SERPINF2: variants seen among roughly 807,000 people sequenced by gnomAD.
SERPINF2 encodes serpin family F member 2, also known as alpha-2-antiplasmin.
A neutral mutation model predicts 45.0 loss-of-function variants in SERPINF2; 15 were observed. That is an observed-to-expected ratio of 0.33 (90% CI 0.22 to 0.51). The LOEUF (loss-of-function observed/expected upper bound fraction) is 0.51, where lower values mean the gene tolerates loss of function less well. Among genes scored for constraint, SERPINF2 ranks in the 20% least tolerant of loss-of-function variants. SERPINF2 has a pLI of 0.97. For synonymous variants in SERPINF2, 283 were observed against 277.9 expected (o/e 1.02, Z -0.18); for missense variants, 518 against 637.4 (o/e 0.81, Z 2.02).
At position 1,745,875 on chromosome 17, in the gene SERPINF2, G is replaced by C. The variant is rs1444107684; in HGVS notation, c.333G>C (p.Leu111=). 6.2e-7 allele frequency: 1 copy of C among 1,613,960 alleles called. No homozygotes were observed. Among genetic ancestry groups the C allele is most frequent in the East Asian group, 2.2e-5 (1 of 44,890 alleles). Reference sequence around the variant, plus strand: ...GCCCCAACCTCATCCTGTCACCCCTGAGTGTGGCCCTGGCGCTGTCTCACC... The same window carrying C: ...GCCCCAACCTCATCCTGTCACCCCTCAGTGTGGCCCTGGCGCTGTCTCACC... ...STCPNLILSP[L]SVALALSHLA... The change falls in exon 5 of 10, where the codon CTG becomes CTC. Residue 111 remains leucine, a synonymous_variant. Coordinates refer to ENST00000453066, the MANE Select transcript of SERPINF2 (RefSeq NM_000934.4). The surrounding 1 kb of genome is among the most constrained non-coding windows in gnomAD (Gnocchi z 6.2).
At chr17:1,753,312 C>T (rs1170404776) in intron 9 of SERPINF2, among the ~76,000 whole-genome samples, 1 of 152,192 alleles carries the variant, frequency 6.6e-6, no homozygotes, top group Admixed American at 6.5e-5. Context: ...CCTCTTGACC[C>T]CAGGTGGCTG....
rs911349544 is a variant in SERPINF2, at chr17:1,752,674, A to T, written c.947A>T (p.Asn316Ile). Reference sequence around the variant, plus strand: ...TGGAACGTGTCCCAGGTACTGGCCAACCTGAGTTGGGACACCCTGCACCCA... The same window carrying T: ...TGGAACGTGTCCCAGGTACTGGCCATCCTGAGTTGGGACACCCTGCACCCA... ...FEWNVSQVLA[N>I]LSWDTLHPPL... Residue 316 changes from asparagine (N) to isoleucine (I), a missense_variant, in exon 9 of 10, where the codon AAC (asparagine) becomes ATC (isoleucine). By Grantham distance (149) the Asn-to-Ile change is moderately radical. Around this residue, in one of 2 missense-constraint regions of SERPINF2, gnomAD observed 435 missense variants for 577.3 expected, o/e 0.75. Coordinates refer to ENST00000453066, the MANE Select transcript of SERPINF2 (RefSeq NM_000934.4). The T allele has an allele frequency of 1.2e-6, 2 of 1,614,056 alleles. No homozygotes were observed. The highest frequency in any genetic ancestry group is 1.7e-5 in the Admixed American group (1 of 60,002).
chr17:1,748,674 C>T lies in SERPINF2; in HGVS notation c.792C>T (p.Pro264=), dbSNP rs565749154. The change falls in exon 8 of 10, where the codon CCC becomes CCT. Residue 264 remains proline, a synonymous_variant. Coordinates refer to ENST00000453066, the MANE Select transcript of SERPINF2 (RefSeq NM_000934.4). ...SFHLDEQFTV[P]VEMMQARTYP... is the part of the protein sequence containing the mutation. The stretch of plus-strand genomic sequence containing the variant: ...ACCTGGACGAGCAGTTCACGGTGCC[C>T]GTGGAAATGATGCAGGCCCGCACGT... The T allele has an allele frequency of 9.6e-5, 155 of 1,609,784 alleles. No individual in the cohort carries two copies. The South Asian group carries it at 1.4e-3, about 15-fold the overall frequency.
rs1322537606 is a variant in SERPINF2, at chr17:1,744,337, T to C, written c.-4-655T>C. Reference sequence around the variant, plus strand: ...GAGAAACCCCGTTTCTACTAAGAAATACAGAATTAGCCAGGCGTGGTGGTG... The same window carrying C: ...GAGAAACCCCGTTTCTACTAAGAAACACAGAATTAGCCAGGCGTGGTGGTG... On this transcript the variant is annotated intron_variant, in intron 1 of 9. Coordinates refer to ENST00000453066, the MANE Select transcript of SERPINF2 (RefSeq NM_000934.4). Among the ~76,000 whole-genome samples the C allele has an allele frequency of 2.0e-5, 3 of 151,852 alleles. 1 individual carries two copies. In the East Asian group the frequency reaches 5.9e-4, roughly 30 times the overall value.
chr17:1,753,523 T>C (rs1031010400), intron 9 of SERPINF2, among the ~76,000 whole-genome samples: 1 of 152,054 alleles, frequency 6.6e-6, no homozygotes. Flanking sequence ...CCGTCTCCAC[T>C]AAAAATACAA....
chr17:1,750,114 C>T (rs1459169649), intron 8 of SERPINF2, among the ~76,000 whole-genome samples: 1 of 151,972 alleles, frequency 6.6e-6, no homozygotes, highest in African/African-American at 2.4e-5. Flanking sequence ...GCTGGAACTA[C>T]AGGCATGCAC....
intron 5 of SERPINF2, among the ~76,000 whole-genome samples, chr17:1,746,481 C>T (rs2151189462): frequency 6.8e-6 from 1 of 147,438 alleles, no homozygotes; most frequent in South Asian, 2.1e-4. Flanking sequence ...GGCTAGAGTG[C>T]AGTGGTGTGA....
intron 8 of SERPINF2, 125 bp from the exon 9 acceptor site, chr17:1,752,461 G>T: frequency 1.2e-6 from 1 of 818,858 alleles, no homozygotes; most frequent in East Asian, 2.5e-5. Context: ...GAGCAGTGGG[G>T]TCAGTCACAC....
rs1178005058 is a variant in SERPINF2 at position 1,754,429 on chromosome 17, C to T, written c.1371C>T (p.Leu457=). 6.2e-7 allele frequency: 1 copy of T among 1,612,320 alleles called. No individual in the cohort carries two copies. The highest frequency in any genetic ancestry group is 1.3e-5 in the African/African-American group (1 of 74,924). Reference sequence around the variant, plus strand: ...ATTCCCCGGGCAACAAGGACTTCCTCCAGAGCCTGAAAGGCTTCCCCCGCG... The same window carrying T: ...ATTCCCCGGGCAACAAGGACTTCCTTCAGAGCCTGAAAGGCTTCCCCCGCG... ...QQDSPGNKDF[L]QSLKGFPRGD... is the part of the protein sequence containing the mutation. The change falls in exon 10 of 10, where the codon CTC becomes CTT. Residue 457 remains leucine, a synonymous_variant. Transcript: ENST00000453066.
intron 1 of SERPINF2, among the ~76,000 whole-genome samples, chr17:1,743,760 C>A (rs1421785193): frequency 2.0e-5 from 3 of 149,410 alleles, no homozygotes; most frequent in African/African-American, 7.4e-5. Flanking sequence ...ATGGATGCAG[C>A]AGGCTGGGTA....
intron 9 of SERPINF2, 133 bp from the exon 10 acceptor site, chr17:1,753,989 C>G: frequency 2.9e-6 from 3 of 1,029,194 alleles, no homozygotes; most frequent in Non-Finnish European, 4.3e-6. Context: ...GTCTTGGAAA[C>G]CGGATAGGAA....
In SERPINF2 at chr17:1,754,904, T is replaced by G. The variant is rs1906725902; in HGVS notation, c.*370T>G. On this transcript the variant is annotated 3_prime_UTR_variant, in exon 10 of 10. Transcript: ENST00000453066. The stretch of plus-strand genomic sequence containing the variant: ...AAAAAGGGAGGGGGAGAGGGCTGCC[T>G]TTGGACTTGTCCCGGGACACCTAGG... The G allele has an allele frequency of 3.1e-6, 1 of 325,310 alleles. No individual in the cohort carries two copies. The highest frequency in any genetic ancestry group is 6.3e-5 in the East Asian group (1 of 15,986). The allele number at this position is 325,310 out of a possible 1,614,324, so 20.2% of individuals were successfully genotyped here.
intron 1 of SERPINF2, chr17:1,744,746 GTGCATGAAA>G (rs1905637287): frequency 3.0e-6 from 3 of 985,414 alleles, no homozygotes; most frequent in Non-Finnish European, 3.6e-6. Context: ...AACACCCTCA[GTGCATGAAA>G]TGCATGAAAT....
rs1906739060 is a variant in SERPINF2 at position 1,755,085 on chromosome 17, A to C, written c.*551A>C. The C allele has an allele frequency of 6.4e-6, 1 of 155,194 alleles. No individual in the cohort carries two copies. The highest frequency in any genetic ancestry group is 6.5e-5 in the Admixed American group (1 of 15,478). 9.6% of individuals were successfully genotyped at this position (155,194 alleles called of 1,614,324 possible). A position where few individuals can be genotyped will look rare whatever the true frequency, so the allele number is the denominator to read the frequency against. On this transcript the variant is annotated 3_prime_UTR_variant, in exon 10 of 10. Transcript: ENST00000453066. This position sits in a 1 kb window ranked among gnomAD's most constrained non-coding sequence, Gnocchi z 4.2. ...TACCCCCTGTGCCTTGTCACGCCAG[A>C]CTTCCCACGGCTCCTCGAGATCCCA... is the stretch of plus-strand genomic sequence containing the variant.
chr17:1,746,060 C>T, intron 5 of SERPINF2, 151 bp downstream of exon 5: 1 of 879,908 alleles, frequency 1.1e-6, no homozygotes, highest in Admixed American at 1.9e-5. Flanking sequence ...TGGCTCACGC[C>T]TGTAATCCCA....
chr17:1,747,180 G>A lies in SERPINF2; in HGVS notation c.511+18G>A, dbSNP rs1268512653. 1.9e-6 allele frequency: 3 copies of A among 1,611,850 alleles called. No homozygotes were observed. The highest frequency in any genetic ancestry group is 2.5e-6 in the Non-Finnish European group (3 of 1,179,888). On this transcript the variant is annotated intron_variant, in intron 6 of 9. Transcript: ENST00000453066. ...GCAGAAAGGTAGGCGCTGATGGCAGGGAGCTCCCTCAGTCCTGCCCTGGGT... is the reference window on the plus strand; with the variant it reads ...GCAGAAAGGTAGGCGCTGATGGCAGAGAGCTCCCTCAGTCCTGCCCTGGGT...
Position 1,745,977 on chromosome 17 carries a change from T to G in SERPINF2, c.367+68T>G. On this transcript the variant is annotated intron_variant, in intron 5 of 9. Coordinates refer to ENST00000453066, the MANE Select transcript of SERPINF2 (RefSeq NM_000934.4). The surrounding 1 kb of genome is among the most constrained non-coding windows in gnomAD (Gnocchi z 6.2). ...CAGTAGGAACTCAGTACTCCAATGG[T>G]TCTCCGCGGGCGGTTCCTCCACCAG... 6.5e-7 allele frequency: 1 copy of G among 1,535,694 alleles called. No individual in the cohort carries two copies. Among genetic ancestry groups the G allele is most frequent in the Non-Finnish European group, 9.0e-7 (1 of 1,109,386 alleles).
At position 1,754,141 on chromosome 17, in the gene SERPINF2, G is replaced by C. The variant is rs1198784083; in HGVS notation, c.1083G>C (p.Gln361His). The C allele has an allele frequency of 6.2e-7, 1 of 1,607,482 alleles. No homozygotes were observed. The highest frequency in any genetic ancestry group is 8.5e-7 in the Non-Finnish European group (1 of 1,179,996). Residue 361 changes from glutamine to histidine, a missense_variant, in exon 10 of 10, where the codon CAG (glutamine) becomes CAC (histidine). Gln to His is a conservative substitution (Grantham distance 24, BLOSUM62 0). Coordinates refer to ENST00000453066, the MANE Select transcript of SERPINF2 (RefSeq NM_000934.4). The part of the protein sequence containing the change: ...LSQLGLQELF[Q>H]APDLRGISEQ... ...GGGCAGGCCTGCAGGAGTTGTTCCAGGCCCCAGACCTGCGTGGGATCTCCG... is the reference window on the plus strand; with the variant it reads ...GGGCAGGCCTGCAGGAGTTGTTCCACGCCCCAGACCTGCGTGGGATCTCCG...
intron 5 of SERPINF2, 99 bp from the exon 6 acceptor site, chr17:1,746,920 G>T: frequency 2.0e-6 from 3 of 1,471,608 alleles, no homozygotes; most frequent in Middle Eastern, 2.4e-4. Context: ...GTGTGGTCCC[G>T]TGGACGTCCT....
Sources: allele counts gnomAD v4.1 joint callset (sites outside exome capture counted in the v4.1 genomes callset), GRCh38; gene constraint gnomAD v4.1.1; regional missense constraint gnomAD v4.1.1; non-coding constraint Gnocchi (gnomAD v3.1); transcripts MANE v1.5; gene names NCBI Gene and HGNC (gene_info 2026-07-23, HGNC 2026-07-21).